The following CNTLN variants were observed in gnomAD, a reference collection of about 807,000 sequenced individuals.
CNTLN encodes centlein, centrosomal protein.
Under a neutral mutation model 180.0 loss-of-function variants are expected in CNTLN, and 212 were observed. The observed-to-expected ratio is 1.18, with a 90% CI of 1.05 to 1.32. The LOEUF (loss-of-function observed/expected upper bound fraction) is 1.32. Among genes scored for constraint, CNTLN ranks in the 40% most tolerant of loss-of-function variants. The probability of loss-of-function intolerance (pLI) is 0.00; values close to 1 mark genes in which losing one functional copy is unlikely to be tolerated. For missense variants in CNTLN, 2,095 were observed against 1,610.9 expected (o/e 1.30, Z -5.14); for synonymous variants, 722 against 563.1 (o/e 1.28, Z -3.99).
At chr9:17,161,665 T>C (rs1317902957) in intron 2 of CNTLN, among the ~76,000 whole-genome samples, 1 of 152,242 alleles carries the variant, frequency 6.6e-6, no homozygotes, top group African/African-American at 2.4e-5. Context: ...TAAAGAACTT[T>C]GAGTTTGGAG....
chr9:17,458,443 A>C (rs1333031994), intron 19 of CNTLN, among the ~76,000 whole-genome samples: 1 of 151,964 alleles, frequency 6.6e-6, no homozygotes, highest in Non-Finnish European at 1.5e-5. Context: ...AAAGAGCAGT[A>C]TATATGGGAC....
intron 5 of CNTLN, among the ~76,000 whole-genome samples, chr9:17,254,210 A>G (rs778008905): frequency 2.0e-5 from 3 of 151,702 alleles, no homozygotes; most frequent in East Asian, 1.9e-4. Flanking sequence ...AGAAATATCT[A>G]TTGAAGTCCT....
chr9:17,399,966 G>T (rs886135126), intron 15 of CNTLN, among the ~76,000 whole-genome samples: 1 of 152,002 alleles, frequency 6.6e-6, no homozygotes, highest in Admixed American at 6.6e-5. Flanking sequence ...GCATGTAACC[G>T]TTTCTTCGGG....
At chr9:17,483,266 C>T (rs188455953) in intron 23 of CNTLN, among the ~76,000 whole-genome samples, 4 of 152,198 alleles carry the variant, frequency 2.6e-5, no homozygotes. Context: ...CTTTAAAATA[C>T]AGCAAAAACA....
the CNTLN span, among the ~76,000 whole-genome samples, chr9:17,525,592 G>T: frequency 6.6e-6 from 1 of 152,106 alleles, no homozygotes; most frequent in Non-Finnish European, 1.5e-5. Flanking sequence ...TCTGTAGCTT[G>T]TTTAAAATTA....
At chr9:17,325,736 A>C (rs1386214067) in intron 8 of CNTLN, among the ~76,000 whole-genome samples, 1 of 152,058 alleles carries the variant, frequency 6.6e-6, no homozygotes, top group Admixed American at 6.6e-5. Context: ...TTCTTAAAAC[A>C]AGTGAGATAA....
At chr9:17,284,289 G>A (rs1403672928) in intron 6 of CNTLN, among the ~76,000 whole-genome samples, 5 of 152,094 alleles carry the variant, frequency 3.3e-5, no homozygotes, top group Admixed American at 1.3e-4. Context: ...AATGAATTAG[G>A]GAGCAGACCC....
intron 5 of CNTLN, among the ~76,000 whole-genome samples, chr9:17,254,133 A>C (rs1235740718): frequency 6.6e-6 from 1 of 151,478 alleles, no homozygotes; most frequent in African/African-American, 2.4e-5. Context: ...TCCCAGTTGA[A>C]CATATTTGTA....
At chr9:17,303,551 C>CT (rs59229528) in intron 7 of CNTLN, among the ~76,000 whole-genome samples, 2 of 150,754 alleles carry the variant, frequency 1.3e-5, no homozygotes, top group Non-Finnish European at 3.0e-5. Flanking sequence ...TTTACTAACG[C>CT]TTTTTTTTTC....
At chr9:17,333,371 T>C (rs1220079307) in intron 10 of CNTLN, among the ~76,000 whole-genome samples, 2 of 152,128 alleles carry the variant, frequency 1.3e-5, no homozygotes, top group African/African-American at 4.8e-5. Context: ...TGTGACTACA[T>C]TGAGGGTTTT....
intron 2 of CNTLN, among the ~76,000 whole-genome samples, chr9:17,186,256 G>A (rs1313593974): frequency 6.6e-6 from 1 of 152,138 alleles, no homozygotes; most frequent in African/African-American, 2.4e-5. Flanking sequence ...ACTGGTAATA[G>A]TACATCATTC....
chr9:17,152,221 G>T (rs1446373653), intron 2 of CNTLN, among the ~76,000 whole-genome samples: 1 of 151,852 alleles, frequency 6.6e-6, no homozygotes, highest in East Asian at 1.9e-4. Context: ...TTTGTTTGCT[G>T]TTGCTTCTCT....
chr9:17,214,309 T>G (rs1046212010), intron 2 of CNTLN, among the ~76,000 whole-genome samples: 3 of 152,172 alleles, frequency 2.0e-5, no homozygotes, highest in East Asian at 1.9e-4. Context: ...CTCCTTCACT[T>G]ATGAAGCTTA....
At position 17,366,844 on chromosome 9, in the gene CNTLN, T is replaced by C. The variant is rs559091853; in HGVS notation, c.1987+127T>C. 51 of 556,148 alleles carry C rather than the reference T, an allele frequency of 9.2e-5. 1 individual carries two copies. The African/African-American group carries it at 9.6e-4, about 10-fold the overall frequency. 34.5% of individuals were successfully genotyped at this position (556,148 alleles called of 1,614,324 possible). A position where few individuals can be genotyped will look rare whatever the true frequency, so the allele number is the denominator to read the frequency against. On this transcript the variant is annotated intron_variant, in intron 13 of 25. Transcript: ENST00000380647. ...TCTTTTCCAACACTTTATTCATTGA[T>C]AACTCACTAACATTTTCATCCTGAG...
intron 25 of CNTLN, chr9:17,494,911 T>C: frequency 2.4e-6 from 1 of 409,996 alleles, no homozygotes; most frequent in South Asian, 1.8e-5. Flanking sequence ...TCACAGAGTC[T>C]TGCTCTGTCT....
intron 1 of CNTLN, among the ~76,000 whole-genome samples, chr9:17,137,532 C>T (rs1563809846): frequency 1.3e-5 from 2 of 152,078 alleles, no homozygotes; most frequent in East Asian, 1.9e-4. Flanking sequence ...CATATACAAA[C>T]ATATATTTTC....
At chr9:17,158,326 A>G (rs897059600) in intron 2 of CNTLN, among the ~76,000 whole-genome samples, 3 of 152,068 alleles carry the variant, frequency 2.0e-5, no homozygotes, top group South Asian at 2.1e-4. Flanking sequence ...TTACATACCT[A>G]TTTATAAGAG....
the CNTLN span, among the ~76,000 whole-genome samples, chr9:17,521,510 G>A: frequency 6.6e-6 from 1 of 152,100 alleles, no homozygotes; most frequent in Admixed American, 6.6e-5. Flanking sequence ...AGTATGTCTG[G>A]TGTGGATAAT....
chr9:17,261,701 C>A (rs1399034674), intron 5 of CNTLN, among the ~76,000 whole-genome samples: 1 of 150,912 alleles, frequency 6.6e-6, no homozygotes, highest in Non-Finnish European at 1.5e-5. Context: ...ACTTCTAGTA[C>A]TATGTTGAAT....
Sources: allele counts gnomAD v4.1 joint callset (sites outside exome capture counted in the v4.1 genomes callset), GRCh38; gene constraint gnomAD v4.1.1; transcripts MANE v1.5; gene names NCBI Gene and HGNC (gene_info 2026-07-23, HGNC 2026-07-21).